SHOX: variants seen among roughly 807,000 people sequenced by gnomAD.
SHOX encodes SHOX homeobox.
A neutral mutation model predicts 29.6 loss-of-function variants in SHOX; 12 were observed. The observed-to-expected ratio is 0.41, with a 90% CI of 0.26 to 0.66. SHOX has a LOEUF of 0.66. SHOX is among the 30% of genes least tolerant of loss of function. The pLI, the probability that SHOX is intolerant of heterozygous loss-of-function variation, is 0.35. For missense variants in SHOX, 499 were observed against 437.7 expected, an observed-to-expected ratio of 1.14 and a Z score of -1.25; for synonymous variants, 214 against 200.6, an observed-to-expected ratio of 1.07 and a Z score of -0.57.
At chrX:624,706 T>TTTCTTTCTTTC in intron 1 of SHOX, 1 of 128,030 alleles carries the variant, frequency 7.8e-6, no homozygotes, top group East Asian at 2.2e-4. Flanking sequence ...CTTTCTTTTC[T>TTTCTTTCTTTC]TTCTTTCTTT....
chrX:635,898 C>T (rs1375236397), intron 2 of SHOX, among the ~76,000 whole-genome samples: 1 of 151,254 alleles, frequency 6.6e-6, no homozygotes, highest in Non-Finnish European at 1.5e-5. Flanking sequence ...GTCAGGATCC[C>T]CGGACCCTGG....
downstream of SHOX, among the ~76,000 whole-genome samples, chrX:653,803 C>A (rs1437490538): frequency 7.2e-5 from 11 of 152,018 alleles, no homozygotes; most frequent in African/African-American, 2.7e-4. Flanking sequence ...TGGTGTTAGA[C>A]TTTCATGTTT....
chrX:625,537 C>CTCTG (rs1556452441), intron 1 of SHOX, among the ~76,000 whole-genome samples: 1 of 150,326 alleles, frequency 6.7e-6, no homozygotes, highest in Non-Finnish European at 1.5e-5. Flanking sequence ...GTATCTCTGT[C>CTCTG]TCTCTCTTTC....
rs895233811 is a variant in SHOX, at chrX:633,201, G to C, written c.278-1417G>C. ...GAGTCTGAGGTTACCGTGGAAGCCT[G>C]GAGTTTTTGGGAACAGCGTGTCCCC... On this transcript the variant is annotated intron_variant, in intron 1 of 4. Transcript: ENST00000686671. 7.9e-5 allele frequency among the ~76,000 whole-genome samples: 12 copies of C among 152,202 alleles called. 1 individual carries two copies. In the East Asian group the frequency reaches 2.3e-3, roughly 29 times the overall value.
intron 4 of SHOX, among the ~76,000 whole-genome samples, chrX:642,765 G>C (rs1443903066): frequency 6.6e-6 from 1 of 152,042 alleles, no homozygotes; most frequent in Non-Finnish European, 1.5e-5. Flanking sequence ...TGGGGACCTG[G>C]TGTCCCGGGA....
intron 2 of SHOX, among the ~76,000 whole-genome samples, chrX:639,853 T>A (rs1368322799): frequency 2.0e-5 from 3 of 147,972 alleles, no homozygotes; most frequent in Non-Finnish European, 4.5e-5. Context: ...ATACGAAAAT[T>A]AGCCAGGCAT....
At position 634,663 on chromosome X, in the gene SHOX, A is replaced by G; in HGVS notation, c.323A>G (p.Asp108Gly). The part of the protein sequence containing the change: ...KEKREDVKSE[D>G]EDGQTKLKQR... Reference sequence around the variant, plus strand: ...AAGCGCGAGGACGTGAAGTCGGAGGACGAGGACGGGCAGACCAAGCTGAAA... The same window carrying G: ...AAGCGCGAGGACGTGAAGTCGGAGGGCGAGGACGGGCAGACCAAGCTGAAA... The change falls in exon 2 of 5, where the codon GAC (aspartate) becomes GGC (glycine). Residue 108 changes from aspartate to glycine, a missense_variant. Transcript: ENST00000686671. 6.2e-7 allele frequency: 1 copy of G among 1,613,914 alleles called. No individual in the cohort carries two copies.
At chrX:658,997 T>G (rs1232023217) in exon 6 of SHOX, 1 of 159,618 alleles carries the variant, frequency 6.3e-6, no homozygotes, top group Admixed American at 6.3e-5. Flanking sequence ...ACTCCTGACC[T>G]CAGGTGATCC....
At chrX:625,390 C>G (rs771133031) in intron 1 of SHOX, among the ~76,000 whole-genome samples, 1 of 152,036 alleles carries the variant, frequency 6.6e-6, no homozygotes, top group Non-Finnish European at 1.5e-5. Context: ...TACAGGGAGG[C>G]GGTCACATAC....
intron 1 of SHOX, among the ~76,000 whole-genome samples, chrX:632,223 G>A (rs930611615): frequency 6.6e-6 from 1 of 152,076 alleles, no homozygotes; most frequent in East Asian, 1.9e-4. Context: ...GAGCGCAGCC[G>A]GTTGTGCGCG....
chrX:628,689 G>C (rs375480598), upstream of SHOX, among the ~76,000 whole-genome samples: 52 of 7,436 alleles, frequency 7.0e-3, 14 homozygotes, highest in East Asian at 0.06. Context: ...CCATCTGTCT[G>C]TGTCTCTCTT....
rs2239402 is a variant in SHOX at position 631,191 on chromosome X, T to A, written c.277+17T>A. The stretch of plus-strand genomic sequence containing the variant: ...TGGCAGAAGGTAAGTTCCTTTGCGC[T>A]CCGGCTCCAGGGGGGCCCTCCTGGG... On this transcript the variant is annotated intron_variant, in intron 1 of 4. Coordinates refer to ENST00000686671, the MANE Select transcript of SHOX (RefSeq NM_000451.4). 4 of 1,612,492 alleles carry A rather than the reference T, an allele frequency of 2.5e-6. No individual in the cohort carries two copies. Among genetic ancestry groups the A allele is most frequent in the South Asian group, 1.1e-5 (1 of 91,068 alleles).
upstream of SHOX, among the ~76,000 whole-genome samples, chrX:626,316 CT>C (rs1175892153): frequency 1.4e-5 from 2 of 139,572 alleles, no homozygotes; most frequent in Non-Finnish European, 3.1e-5. Flanking sequence ...TCTCTCCTCT[CT>C]TTTTCTCTGT....
chrX:643,799 G>C (rs1304797654), intron 4 of SHOX, among the ~76,000 whole-genome samples: 1 of 133,466 alleles, frequency 7.5e-6, no homozygotes, highest in African/African-American at 3.1e-5. Flanking sequence ...TGGGGGACCT[G>C]GTGTCTCGGG....
chrX:634,855 C>T (rs762921390), intron 2 of SHOX, 29 bp downstream of exon 2: 60 of 1,545,274 alleles, frequency 3.9e-5, no homozygotes, highest in East Asian at 2.2e-4. Context: ...GGGCGGGGGG[C>T]CCGGAGCCAT....
Position 649,544 on chromosome X carries a change from G to A in SHOX, c.*4908G>A, listed in dbSNP as rs908237791. Among the ~76,000 whole-genome samples the A allele has an allele frequency of 1.3e-5, 2 of 152,134 alleles. No individual in the cohort carries two copies. The highest frequency in any genetic ancestry group is 2.9e-5 in the Non-Finnish European group (2 of 68,016). ...ACGCTGGCGATTCTTGGTGCTTTTT[G>A]CTCAAAACAAGGTTCTTTTGAAAGT... On this transcript the variant is annotated 3_prime_UTR_variant, in exon 5 of 5. Coordinates refer to ENST00000686671, the MANE Select transcript of SHOX (RefSeq NM_000451.4).
Position 648,751 on chromosome X carries a change from G to T in SHOX, c.*4115G>T, listed in dbSNP as rs1223029951. ...GTTGGGTGACTTTCTGTAGGTGGAT[G>T]AGTGATCCCTGAATGAGTGTGGGGT... On this transcript the variant is annotated 3_prime_UTR_variant, in exon 5 of 5. Transcript: ENST00000686671. Among the ~76,000 whole-genome samples, 1 of 152,058 alleles carries T rather than the reference G, an allele frequency of 6.6e-6. No individual in the cohort carries two copies. The highest frequency in any genetic ancestry group is 1.5e-5 in the Non-Finnish European group (1 of 68,008).
chrX:658,028 G>A (rs933380948), intron 5 of SHOX, among the ~76,000 whole-genome samples: 4 of 152,030 alleles, frequency 2.6e-5, no homozygotes, highest in Admixed American at 6.6e-5. Context: ...AGGCTGCAGT[G>A]CAATGGCGTG....
chrX:627,263 T>C (rs1444271469), upstream of SHOX, among the ~76,000 whole-genome samples: 7 of 152,100 alleles, frequency 4.6e-5, no homozygotes, highest in African/African-American at 1.4e-4. Context: ...TCGGACAGCG[T>C]CTTGAATTGG....
Sources: gnomAD v4.1 joint callset for allele counts (sites outside exome capture counted in the v4.1 genomes callset) on GRCh38, gnomAD v4.1.1 for gene constraint, MANE v1.5 for transcripts, NCBI Gene and HGNC (gene_info 2026-07-23, HGNC 2026-07-21) for gene names.